AUH: variants seen among roughly 807,000 people sequenced by gnomAD.
The protein encoded by AUH is AU RNA binding methylglutaconyl-CoA hydratase, also known as methylglutaconyl-CoA hydratase, mitochondrial.
A neutral mutation model predicts 42.3 loss-of-function variants in AUH; 29 were observed. The observed-to-expected ratio is 0.69, with a 90% CI of 0.51 to 0.93. The LOEUF (loss-of-function observed/expected upper bound fraction) is 0.93. Among genes scored for constraint, AUH ranks in the 40% least tolerant of loss-of-function variants. The pLI is 0.00. For synonymous variants in AUH, 174 were observed against 166.4 expected, an observed-to-expected ratio of 1.05 and a Z score of -0.35; for missense variants, 452 against 438.1, an observed-to-expected ratio of 1.03 and a Z score of -0.28.
chr9:91,299,531 G>T (rs898470041), intron 4 of AUH, among the ~76,000 whole-genome samples: 1 of 151,884 alleles, frequency 6.6e-6, no homozygotes, highest in Admixed American at 6.6e-5. Flanking sequence ...TTAGGGGTTG[G>T]GGGTGGGGAG....
At chr9:91,340,437 G>A (rs1296368648) in intron 3 of AUH, among the ~76,000 whole-genome samples, 1 of 152,110 alleles carries the variant, frequency 6.6e-6, no homozygotes, top group Non-Finnish European at 1.5e-5. Context: ...TTTCTTTAGA[G>A]AATGTAAAAA....
intron 4 of AUH, among the ~76,000 whole-genome samples, chr9:91,313,445 C>T (rs1338217191): frequency 2.0e-5 from 3 of 152,050 alleles, no homozygotes; most frequent in African/African-American, 7.2e-5. Context: ...GTGGCTCACG[C>T]CTGTAATCCC....
At chr9:91,348,387 T>C (rs1382392058) in intron 3 of AUH, among the ~76,000 whole-genome samples, 1 of 152,196 alleles carries the variant, frequency 6.6e-6, no homozygotes, top group Non-Finnish European at 1.5e-5. Context: ...CCAGTAATTC[T>C]ACTTCTGACT....
Position 91,291,755 on chromosome 9 carries a change from C to T in AUH, c.655+4266G>A, listed in dbSNP as rs559008021. Among the ~76,000 whole-genome samples the T allele has an allele frequency of 7.2e-5, 11 of 152,148 alleles. No individual in the cohort carries two copies. The East Asian group carries it at 2.1e-3, about 29-fold the overall frequency. ...GATAAGGTTAACCACACAATTTTAA[C>T]CAATTCATATGCAAGTATGTCTTCC... is the stretch of plus-strand genomic sequence containing the variant. On this transcript the variant is annotated intron_variant, in intron 6 of 9. Coordinates refer to ENST00000375731, the MANE Select transcript of AUH (RefSeq NM_001698.3).
At position 91,242,420 on chromosome 9, in the gene AUH, TC is replaced by T. The variant is rs367923524; in HGVS notation, c.656-21429del. 3.4e-3 allele frequency among the ~76,000 whole-genome samples: 524 copies of T among 152,248 alleles called. 3 individuals carry two copies. Among genetic ancestry groups the T allele is most frequent in the African/African-American group, 0.012 (502 of 41,540 alleles). ...GAGTATTTCCCAAAGTTCAAAATCA[TC>T]CCTCATTCTTTCCAAATCAAGGAGG... On this transcript the variant is annotated intron_variant, in intron 6 of 9. Coordinates refer to ENST00000375731, the MANE Select transcript of AUH (RefSeq NM_001698.3).
chr9:91,306,346 G>A (rs1381179333), intron 4 of AUH: 3 of 985,034 alleles, frequency 3.0e-6, no homozygotes, highest in Admixed American at 1.2e-4. Context: ...ACTGAGTGAT[G>A]ACTTCTGTTG....
rs542958119 is a variant in AUH at position 91,297,190 on chromosome 9, G to C, written c.598+794C>G. ...CAGTCTGGGTTCAAATCTCAGTTCA[G>C]TCACTTCTTTGGGGCTTCTCTCCCT... On this transcript the variant is annotated intron_variant, in intron 5 of 9. Coordinates refer to ENST00000375731, the MANE Select transcript of AUH (RefSeq NM_001698.3). Among the ~76,000 whole-genome samples the C allele has an allele frequency of 2.6e-4, 40 of 152,334 alleles. 1 individual carries two copies. The South Asian group carries it at 8.1e-3, about 31-fold the overall frequency.
At chr9:91,310,112 C>T (rs1476582722) in intron 4 of AUH, among the ~76,000 whole-genome samples, 1 of 152,204 alleles carries the variant, frequency 6.6e-6, no homozygotes, top group African/African-American at 2.4e-5. Flanking sequence ...ACTTGGGACT[C>T]CTGAGCGAGA....
intron 8 of AUH, among the ~76,000 whole-genome samples, chr9:91,216,801 C>A (rs555575294): frequency 6.6e-6 from 1 of 152,216 alleles, no homozygotes; most frequent in Admixed American, 6.5e-5. Context: ...AGTCATCTCC[C>A]TGGGGTACCC....
chr9:91,348,785 T>C (rs531638812), intron 3 of AUH, among the ~76,000 whole-genome samples: 9 of 152,306 alleles, frequency 5.9e-5, no homozygotes, highest in African/African-American at 2.2e-4. Context: ...ACAAGAAAAC[T>C]TTTTAAGTAA....
intron 6 of AUH, among the ~76,000 whole-genome samples, chr9:91,251,041 A>T (rs1829098312): frequency 1.3e-5 from 2 of 152,204 alleles, no homozygotes; most frequent in African/African-American, 4.8e-5. Flanking sequence ...GCTGCAGCAG[A>T]AGAGATAGGG....
intron 3 of AUH, among the ~76,000 whole-genome samples, chr9:91,345,898 A>G (rs986835086): frequency 6.6e-6 from 1 of 151,824 alleles, no homozygotes; most frequent in East Asian, 1.9e-4. Flanking sequence ...GTCAACTGAT[A>G]TTTTAGACAG....
chr9:91,257,248 T>C (rs957868018), intron 6 of AUH, among the ~76,000 whole-genome samples: 6 of 152,008 alleles, frequency 3.9e-5, no homozygotes, highest in African/African-American at 1.5e-4. Flanking sequence ...AAACAGCTAG[T>C]AGTCTCTGCC....
At chr9:91,300,435 G>T (rs1344039598) in intron 4 of AUH, among the ~76,000 whole-genome samples, 1 of 152,154 alleles carries the variant, frequency 6.6e-6, no homozygotes, top group African/African-American at 2.4e-5. Context: ...ACACTCAGAA[G>T]TCATCCCAGA....
chr9:91,296,695 A>T (rs1827360143), intron 5 of AUH, among the ~76,000 whole-genome samples: 1 of 152,362 alleles, frequency 6.6e-6, no homozygotes, highest in African/African-American at 2.4e-5. Flanking sequence ...TTCTTTCAGA[A>T]ATGGATTACA....
At chr9:91,286,755 T>C (rs907426440) in intron 6 of AUH, among the ~76,000 whole-genome samples, 1 of 151,392 alleles carries the variant, frequency 6.6e-6, no homozygotes, top group African/African-American at 2.4e-5. Context: ...TATCTACCTA[T>C]CTACCTACCT....
At chr9:91,277,679 G>A (rs1401005971) in intron 6 of AUH, among the ~76,000 whole-genome samples, 1 of 152,058 alleles carries the variant, frequency 6.6e-6, no homozygotes, top group Non-Finnish European at 1.5e-5. Flanking sequence ...ACTTATTGGG[G>A]CTGTTTTCCC....
intron 6 of AUH, among the ~76,000 whole-genome samples, chr9:91,290,321 G>A (rs1168619639): frequency 2.0e-5 from 3 of 152,116 alleles, no homozygotes; most frequent in Admixed American, 2.0e-4. Flanking sequence ...AGAGGCCGAG[G>A]TGGGAAGATC....
chr9:91,214,473 TAA>T (rs1237304545), intron 9 of AUH, 48 bp from the exon 10 acceptor site: 1 of 1,477,868 alleles, frequency 6.8e-7, no homozygotes. Context: ...AAAACAACTG[TAA>T]AAGTTTATCA....
Sources: allele counts gnomAD v4.1 joint callset (sites outside exome capture counted in the v4.1 genomes callset), GRCh38; gene constraint gnomAD v4.1.1; transcripts MANE v1.5; gene names NCBI Gene and HGNC (gene_info 2026-07-23, HGNC 2026-07-21).